The following SPAG16 variants were observed in gnomAD, a reference collection of about 807,000 sequenced individuals.
SPAG16 encodes the protein sperm associated antigen 16, also known as sperm-associated antigen 16 protein.
A neutral mutation model predicts 80.4 loss-of-function variants in SPAG16; 86 were observed. The ratio of observed to expected loss-of-function variants is 1.07; its 90% confidence interval spans 0.90 to 1.28. The LOEUF (loss-of-function observed/expected upper bound fraction) is 1.28. Ranked by LOEUF, SPAG16 falls within the 50% of genes most tolerant of loss-of-function variation. The pLI, the probability that SPAG16 is intolerant of heterozygous loss-of-function variation, is 0.00. For synonymous variants in SPAG16, 294 were observed against 265.9 expected, an observed-to-expected ratio of 1.11 and a Z score of -1.03; for missense variants, 870 against 765.3, an observed-to-expected ratio of 1.14 and a Z score of -1.61.
At chr2:213,712,407 A>G (rs772021176) in intron 10 of SPAG16, among the ~76,000 whole-genome samples, 8 of 152,320 alleles carry the variant, frequency 5.3e-5, no homozygotes, top group Middle Eastern at 6.8e-3. Context: ...ACTTCTACCC[A>G]TATAAGATAC....
intron 6 of SPAG16, among the ~76,000 whole-genome samples, chr2:213,349,193 G>A (rs536150359): frequency 2.0e-4 from 30 of 152,194 alleles, no homozygotes; most frequent in African/African-American, 7.0e-4. Flanking sequence ...CAGCCAATGC[G>A]GCTTAAATTG....
intron 11 of SPAG16, among the ~76,000 whole-genome samples, chr2:213,879,991 T>C (rs758419789): frequency 3.3e-5 from 5 of 152,200 alleles, no homozygotes; most frequent in Non-Finnish European, 7.3e-5. Context: ...TTCCTTTGGG[T>C]ATATACCCAG....
intron 15 of SPAG16, among the ~76,000 whole-genome samples, chr2:214,188,684 T>C (rs1218279191): frequency 2.0e-5 from 3 of 152,150 alleles, no homozygotes; most frequent in Admixed American, 1.3e-4. Context: ...CCTATCCTTA[T>C]ATTTACCTGC....
chr2:213,600,279 T>A (rs929453607), intron 10 of SPAG16, among the ~76,000 whole-genome samples: 1 of 152,198 alleles, frequency 6.6e-6, no homozygotes, highest in Non-Finnish European at 1.5e-5. Flanking sequence ...CATCTCAGAT[T>A]TGCAACATTA....
intron 2 of SPAG16, 137 bp from the exon 3 acceptor site, chr2:213,297,125 C>T (rs1488988): frequency 0.27 from 392,566 of 1,469,162 alleles, 58,001 homozygotes; most frequent in Non-Finnish European, 0.3. Flanking sequence ...TTTCATGGAT[C>T]TTCAGAATGA....
chr2:213,729,308 A>C (rs1408179288), intron 10 of SPAG16, among the ~76,000 whole-genome samples: 2 of 152,006 alleles, frequency 1.3e-5, no homozygotes, highest in African/African-American at 4.8e-5. Context: ...GTGACTCTGG[A>C]TGACTCTTTA....
At chr2:214,084,191 C>G (rs2051567973) in intron 13 of SPAG16, among the ~76,000 whole-genome samples, 1 of 152,148 alleles carries the variant, frequency 6.6e-6, no homozygotes, top group African/African-American at 2.4e-5. Context: ...TTGAGATTCT[C>G]AGTCTCTCCC....
In SPAG16 at chr2:213,577,590, T is replaced by A. The variant is rs116372992; in HGVS notation, c.1070+87500T>A. On this transcript the variant is annotated intron_variant, in intron 10 of 15. Transcript: ENST00000331683. ...AAATAGAGGTAGACTTATAGGAGGA[T>A]CCAATCCTGACACTTAAGATAATTC... Among the ~76,000 whole-genome samples, 368 of 152,296 alleles carry A rather than the reference T, an allele frequency of 2.4e-3. 2 individuals are homozygous for A. Among genetic ancestry groups the A allele is most frequent in the African/African-American group, 8.3e-3 (347 of 41,580 alleles).
chr2:213,605,362 G>T (rs1425565143), intron 10 of SPAG16, among the ~76,000 whole-genome samples: 1 of 151,432 alleles, frequency 6.6e-6, no homozygotes, highest in Non-Finnish European at 1.5e-5. Flanking sequence ...TGCCTTCTGG[G>T]TTCACACCAT....
chr2:213,487,224 C>T (rs1371470918), intron 9 of SPAG16, among the ~76,000 whole-genome samples: 1 of 151,986 alleles, frequency 6.6e-6, no homozygotes, highest in South Asian at 2.1e-4. Flanking sequence ...CTCAGTGATA[C>T]TGGTATTTTT....
intron 15 of SPAG16, among the ~76,000 whole-genome samples, chr2:214,407,570 G>T (rs1234600693): frequency 1.3e-5 from 2 of 152,064 alleles, no homozygotes; most frequent in African/African-American, 2.4e-5. Flanking sequence ...CAAGTGATTT[G>T]CAGTGTGGTT....
chr2:214,390,671 G>A (rs1233210832), intron 15 of SPAG16, among the ~76,000 whole-genome samples: 1 of 152,158 alleles, frequency 6.6e-6, no homozygotes, highest in Admixed American at 6.5e-5. Flanking sequence ...GAGTGGGAGA[G>A]GCAGGGGAGC....
At chr2:213,874,996 G>A (rs2106001584) in intron 11 of SPAG16, among the ~76,000 whole-genome samples, 1 of 152,202 alleles carries the variant, frequency 6.6e-6, no homozygotes, top group South Asian at 2.1e-4. Flanking sequence ...TGGTTGGAGT[G>A]CAGTGGTGCA....
intron 10 of SPAG16, among the ~76,000 whole-genome samples, chr2:213,756,561 G>C (rs1247925782): frequency 6.6e-6 from 1 of 152,188 alleles, no homozygotes; most frequent in African/African-American, 2.4e-5. Flanking sequence ...CATAGGTTTG[G>C]ATTTGTAGCT....
chr2:213,285,972 T>C (rs918526991), intron 1 of SPAG16: 6 of 1,192,870 alleles, frequency 5.0e-6, no homozygotes, highest in Admixed American at 4.6e-5. Flanking sequence ...CGTGAACACA[T>C]AGTTTAATTG....
At chr2:213,578,172 A>C (rs1326743244) in intron 10 of SPAG16, among the ~76,000 whole-genome samples, 1 of 152,148 alleles carries the variant, frequency 6.6e-6, no homozygotes, top group East Asian at 1.9e-4. Context: ...CTGCCATTTT[A>C]ATCTATGTCT....
intron 14 of SPAG16, among the ~76,000 whole-genome samples, chr2:214,141,309 A>G (rs2055345783): frequency 6.6e-6 from 1 of 152,050 alleles, no homozygotes; most frequent in Non-Finnish European, 1.5e-5. Flanking sequence ...TCTACTAAAA[A>G]TACAAAAATT....
intron 15 of SPAG16, among the ~76,000 whole-genome samples, chr2:214,297,859 TG>T (rs1221987144): frequency 6.6e-6 from 1 of 151,512 alleles, no homozygotes; most frequent in African/African-American, 2.4e-5. Context: ...ATTTTAAGAT[TG>T]TTTTTTCAAA....
At chr2:213,402,418 T>G (rs552392021) in intron 9 of SPAG16, among the ~76,000 whole-genome samples, 73 of 151,834 alleles carry the variant, frequency 4.8e-4, no homozygotes, top group African/African-American at 1.5e-3. Context: ...TTATTTATAG[T>G]TTTTTTTAAA....
Sources: gnomAD v4.1 joint callset for allele counts (sites outside exome capture counted in the v4.1 genomes callset) on GRCh38, gnomAD v4.1.1 for gene constraint, MANE v1.5 for transcripts, NCBI Gene and HGNC (gene_info 2026-07-23, HGNC 2026-07-21) for gene names.